Variants in SELENOO observed in about 807,000 individuals in gnomAD.
The protein encoded by SELENOO is selenoprotein O.
In SELENOO, 74 loss-of-function variants were observed where a neutral mutation model predicts 58.7. The ratio of observed to expected loss-of-function variants is 1.26; its 90% confidence interval spans 1.04 to 1.53. SELENOO has a LOEUF of 1.53. Among genes scored for constraint, SELENOO ranks in the 40% most tolerant of loss-of-function variants. SELENOO has a pLI of 0.00. For synonymous variants in SELENOO, 543 were observed against 453.2 expected, an observed-to-expected ratio of 1.20 and a Z score of -2.52; for missense variants, 1,149 against 970.0, an observed-to-expected ratio of 1.18 and a Z score of -2.45.
At chr22:50,202,317 C>G (rs898897717) in intron 1 of SELENOO, among the ~76,000 whole-genome samples, 2 of 152,132 alleles carry the variant, frequency 1.3e-5, no homozygotes, top group African/African-American at 2.4e-5. Flanking sequence ...AAATGCCCCT[C>G]GGTCCCTCAG....
Position 50,201,366 on chromosome 22 carries a change from G to T in SELENOO, c.330G>T (p.Ala110=). 1 of 1,207,564 alleles carries T rather than the reference G, an allele frequency of 8.3e-7. No homozygotes were observed. Among genetic ancestry groups the T allele is most frequent in the Non-Finnish European group, 1.0e-6 (1 of 973,492 alleles). 74.8% of individuals were successfully genotyped at this position (1,207,564 alleles called of 1,614,324 possible). A position where few individuals can be genotyped will look rare whatever the true frequency, so the allele number is the denominator to read the frequency against. Residue 110 remains alanine, a synonymous_variant, in exon 1 of 9, where the codon GCG becomes GCT. Coordinates refer to ENST00000380903, the MANE Select transcript of SELENOO (RefSeq NM_031454.2). ...CGCTGGCGTTGCTGGGCCTGGGCGC[G>T]CCGCCCGCGCGCGAGGCCGAGGCCG... The part of the protein sequence containing the change: ...EPALALLGLG[A]PPAREAEAEA...
intron 5 of SELENOO, among the ~76,000 whole-genome samples, 157 bp from the exon 6 acceptor site, chr22:50,215,558 CGT>C (rs2064399926): frequency 7.3e-6 from 1 of 137,586 alleles, no homozygotes; most frequent in Admixed American, 7.9e-5. Flanking sequence ...GGTCAGGGAG[CGT>C]GTGGATCCGT....
chr22:50,208,849 C>T, intron 3 of SELENOO, 133 bp downstream of exon 3: 1 of 838,576 alleles, frequency 1.2e-6, no homozygotes, highest in South Asian at 1.7e-5. Context: ...AGCTCCCGCT[C>T]CTGTCCGCAA....
At position 50,206,298 on chromosome 22, in the gene SELENOO, A is replaced by G. The variant is rs756821394; in HGVS notation, c.555-19A>G. 10 of 1,611,494 alleles carry G rather than the reference A, an allele frequency of 6.2e-6. No homozygotes were observed. In the Middle Eastern group the frequency reaches 1.5e-3, roughly 237 times the overall value. ...ACCTCCTGACCGGCCCACGTAGTGA[A>G]CTCTGTGTTTGGTTTCAGACAGGCC... is the stretch of plus-strand genomic sequence containing the variant. On this transcript the variant is annotated intron_variant, in intron 1 of 8. Coordinates refer to ENST00000380903, the MANE Select transcript of SELENOO (RefSeq NM_031454.2).
In SELENOO at chr22:50,216,562, G is replaced by A. The variant is rs2064413396; in HGVS notation, c.1503-129G>A. 7.1e-6 allele frequency: 6 copies of A among 847,392 alleles called. No homozygotes were observed. The South Asian group carries it at 1.0e-4, about 14-fold the overall frequency. The allele number at this position is 847,392 out of a possible 1,614,324, so 52.5% of individuals were successfully genotyped here. A position where few individuals can be genotyped will look rare whatever the true frequency, so the allele number is the denominator to read the frequency against. The stretch of plus-strand genomic sequence containing the variant: ...TGCCAGTGGGGTTCCAGGGACCTCG[G>A]GGACCGGGCTGCTTGGGCCCTTGGA... On this transcript the variant is annotated intron_variant, in intron 6 of 8. Coordinates refer to ENST00000380903, the MANE Select transcript of SELENOO (RefSeq NM_031454.2).
At position 50,210,756 on chromosome 22, in the gene SELENOO, T is replaced by C. The variant is rs768021855; in HGVS notation, c.1196T>C (p.Leu399Pro). The C allele has an allele frequency of 3.1e-6, 5 of 1,613,580 alleles. No homozygotes were observed. Among genetic ancestry groups the C allele is most frequent in the African/African-American group, 1.3e-5 (1 of 74,936 alleles). ...LAEALQPELP[L>P]ELGEAILAEE... ...GAGGCCCTGCAGCCGGAACTGCCCCTGGAGCTGGGGGAGGCCATCCTGGCC... is the reference window on the plus strand; with the variant it reads ...GAGGCCCTGCAGCCGGAACTGCCCCCGGAGCTGGGGGAGGCCATCCTGGCC... The change falls in exon 5 of 9, where the codon CTG (leucine) becomes CCG (proline). Residue 399 changes from leucine to proline, a missense_variant. Coordinates refer to ENST00000380903, the MANE Select transcript of SELENOO (RefSeq NM_031454.2).
Position 50,201,287 on chromosome 22 carries a change from G to T in SELENOO, c.251G>T (p.Arg84Leu), listed in dbSNP as rs1427348330. 6 of 1,083,662 alleles carry T rather than the reference G, an allele frequency of 5.5e-6. No individual in the cohort carries two copies. Among genetic ancestry groups the T allele is most frequent in the Non-Finnish European group, 6.7e-6 (6 of 896,568 alleles). 67.1% of individuals were successfully genotyped at this position (1,083,662 alleles called of 1,614,324 possible). ...PRPVPGACFT[R>L]VQPTPLRQPR... ...CCCGTGCCCGGGGCCTGCTTCACCC[G>T]CGTGCAGCCCACCCCGCTGCGGCAG... The change falls in exon 1 of 9, where the codon CGC (arginine) becomes CTC (leucine). Residue 84 changes from arginine (R) to leucine (L), a missense_variant. By Grantham distance (102) the Arg-to-Leu change is moderately radical. Transcript: ENST00000380903.
Position 50,208,678 on chromosome 22 carries a change from A to G in SELENOO, c.901A>G (p.Ser301Gly). Residue 301 changes from serine (S) to glycine (G), a missense_variant, in exon 3 of 9, where the codon AGC becomes GGC. Transcript: ENST00000380903. ...FYPEIQAAHA[S>G]DSVQRNAAFF... Reference sequence around the variant, plus strand: ...CCCCGAGATCCAGGCTGCTCATGCCAGCGACAGCGTGCAGAGAAATGCTGC... The same window carrying G: ...CCCCGAGATCCAGGCTGCTCATGCCGGCGACAGCGTGCAGAGAAATGCTGC... 6.2e-7 allele frequency: 1 copy of G among 1,613,418 alleles called. No homozygotes were observed. Among genetic ancestry groups the G allele is most frequent in the Non-Finnish European group, 8.5e-7 (1 of 1,179,918 alleles).
intron 1 of SELENOO, among the ~76,000 whole-genome samples, chr22:50,202,267 C>T (rs1052667845): frequency 6.6e-6 from 1 of 152,152 alleles, no homozygotes; most frequent in East Asian, 1.9e-4. Context: ...TCTCATCCGG[C>T]CCCTCCCTGT....
At chr22:50,210,484 G>C (rs964388663) in intron 4 of SELENOO, 147 bp from the exon 5 acceptor site, 2 of 1,371,990 alleles carry the variant, frequency 1.5e-6, no homozygotes, top group Non-Finnish European at 9.9e-7. Flanking sequence ...CTTGGCCAGG[G>C]GCTGGTGAGA....
chr22:50,215,309 G>A (rs1201153625), intron 5 of SELENOO, among the ~76,000 whole-genome samples: 1 of 152,122 alleles, frequency 6.6e-6, no homozygotes, highest in Non-Finnish European at 1.5e-5. Flanking sequence ...CAGGTGACTT[G>A]GAGGGTGAGC....
rs1569101888 is a variant in SELENOO at position 50,208,520 on chromosome 22, C to CG, written c.759-13dup. The stretch of plus-strand genomic sequence containing the variant: ...GGTCAGGTTTGGGCTGTTGACGCCT[C>CG]GGGTCTTCCCTCCAGGTTTGGATCC... On this transcript the variant is annotated splice_polypyrimidine_tract_variant and intron_variant, in intron 2 of 8. Coordinates refer to ENST00000380903, the MANE Select transcript of SELENOO (RefSeq NM_031454.2). The CG allele has an allele frequency of 2.5e-6, 4 of 1,609,046 alleles. No homozygotes were observed. The highest frequency in any genetic ancestry group is 3.4e-6 in the Non-Finnish European group (4 of 1,176,606).
chr22:50,214,633 C>A (rs1372992331), intron 5 of SELENOO, among the ~76,000 whole-genome samples: 1 of 151,662 alleles, frequency 6.6e-6, no homozygotes. Context: ...GGCATGGTGG[C>A]GGATGCCTGT....
rs1555905964 is a variant in SELENOO at position 50,217,133 on chromosome 22, G to GCA, written c.1845+9_1845+10dup. On this transcript the variant is annotated splice_donor_region_variant and intron_variant, in intron 8 of 8. Coordinates refer to ENST00000380903, the MANE Select transcript of SELENOO (RefSeq NM_031454.2). Reference sequence around the variant, plus strand: ...GAGCGCGGGGACTTCTCAGAGGCAAGCACACGCCTGTCCCTGTGGTCCCTG... The same window carrying GCA: ...GAGCGCGGGGACTTCTCAGAGGCAAGCACACACGCCTGTCCCTGTGGTCCCTG... 2.5e-6 allele frequency: 4 copies of GCA among 1,612,296 alleles called. No individual in the cohort carries two copies. Among genetic ancestry groups the GCA allele is most frequent in the Middle Eastern group, 3.3e-4 (2 of 6,056 alleles).
rs199597913 is a variant in SELENOO, at chr22:50,217,329, C to A, written c.1970C>A (p.Pro657Gln). 5.0e-6 allele frequency: 8 copies of A among 1,612,832 alleles called. No individual in the cohort carries two copies. The highest frequency in any genetic ancestry group is 6.8e-6 in the Non-Finnish European group (8 of 1,179,950). The change falls in exon 9 of 9, where the codon CCG (proline) becomes CAG (glutamine). Residue 657 changes from proline (P) to glutamine (Q), a missense_variant. Transcript: ENST00000380903. ...GRQRSYSSKP[P>Q]LWAAELCVTU... ...CAGCGCTCCTACAGCAGTAAGCCCC[C>A]GCTCTGGGCAGCAGAACTGTGCGTG...
chr22:50,216,901 G>T, intron 7 of SELENOO, 25 bp downstream of exon 7: 1 of 1,602,532 alleles, frequency 6.2e-7, no homozygotes. Context: ...CATGGTCACC[G>T]GGGGACGGCG....
At chr22:50,208,183 G>T (rs781212703) in intron 2 of SELENOO, among the ~76,000 whole-genome samples, 2 of 152,200 alleles carry the variant, frequency 1.3e-5, no homozygotes, top group East Asian at 3.9e-4. Context: ...TGTAATCCCA[G>T]CACTTTGGGA....
Position 50,201,284 on chromosome 22 carries a change from C to T in SELENOO, c.248C>T (p.Thr83Ile), listed in dbSNP as rs1479600892. 1 of 1,081,872 alleles carries T rather than the reference C, an allele frequency of 9.2e-7. No individual in the cohort carries two copies. The highest frequency in any genetic ancestry group is 1.1e-6 in the Non-Finnish European group (1 of 895,440). The allele number at this position is 1,081,872 out of a possible 1,614,324, so 67.0% of individuals were successfully genotyped here. The change falls in exon 1 of 9, where the codon ACC (threonine) becomes ATC (isoleucine). Residue 83 changes from threonine (T) to isoleucine (I), a missense_variant. Coordinates refer to ENST00000380903, the MANE Select transcript of SELENOO (RefSeq NM_031454.2). ...APRPVPGACF[T>I]RVQPTPLRQP... is the part of the protein sequence containing the mutation. ...CGGCCCGTGCCCGGGGCCTGCTTCA[C>T]CCGCGTGCAGCCCACCCCGCTGCGG...
Position 50,217,352 on chromosome 22 carries a change from G to A in SELENOO, c.1993G>A (p.Val665Met), listed in dbSNP as rs202018920. 5.6e-4 allele frequency: 903 copies of A among 1,612,776 alleles called. 9 individuals carry two copies. The East Asian group carries it at 0.015, about 27-fold the overall frequency. The change falls in exon 9 of 9, where the codon GTG becomes ATG. Residue 665 changes from valine (V) to methionine (M), a missense_variant. By Grantham distance (21) the Val-to-Met change is conservative. Transcript: ENST00000380903. ...KPPLWAAELC[V>M]TUSS ...CCCGCTCTGGGCAGCAGAACTGTGC[G>A]TGACATGATCTTCGTAACGGCCTCG...
Sources: gnomAD v4.1 joint callset for allele counts (sites outside exome capture counted in the v4.1 genomes callset) on GRCh38, gnomAD v4.1.1 for gene constraint, MANE v1.5 for transcripts, NCBI Gene and HGNC (gene_info 2026-07-23, HGNC 2026-07-21) for gene names.